Variants in PTPRT observed in about 807,000 individuals in gnomAD.
The protein encoded by PTPRT is protein tyrosine phosphatase receptor type T.
In PTPRT, 56 loss-of-function variants were observed where a neutral mutation model predicts 176.8. The ratio of observed to expected loss-of-function variants is 0.32; its 90% CI spans 0.26 to 0.40. PTPRT has a LOEUF of 0.40. Among genes scored for constraint, PTPRT ranks in the 10% least tolerant of loss-of-function variants. The pLI is 1.00. For missense variants in PTPRT, 1,540 were observed against 1,908.2 expected (o/e 0.81, Z 3.60); for synonymous variants, 783 against 739.0 (o/e 1.06, Z -0.96).
chr20:42,345,238 GTGCTCAATGGCCA>G (rs1471540780), intron 11 of PTPRT, among the ~76,000 whole-genome samples: 4 of 151,516 alleles, frequency 2.6e-5, no homozygotes, highest in African/African-American at 9.7e-5. Flanking sequence ...CATATATCTG[GTGCTCAATGGCCA>G]TATGTGTTCA....
intron 7 of PTPRT, among the ~76,000 whole-genome samples, chr20:42,554,220 C>A (rs1016382038): frequency 1.3e-5 from 2 of 152,046 alleles, no homozygotes; most frequent in Non-Finnish European, 2.9e-5. Context: ...TATTTTTACT[C>A]CAATGTCTAT....
chr20:42,569,906 G>A lies in PTPRT; in HGVS notation c.1154-97344C>T, dbSNP rs2073124968. On this transcript the variant is annotated intron_variant, in intron 7 of 30. Transcript: ENST00000373187. ...GTATGTCACTGATATTTTGTGCTCG[G>A]TTCCTTACATAGCAATAGCTGACTA... 1.3e-5 allele frequency among the ~76,000 whole-genome samples: 2 copies of A among 152,128 alleles called. 1 individual carries two copies. Among genetic ancestry groups the A allele is most frequent in the South Asian group, 4.1e-4 (2 of 4,820 alleles).
intron 12 of PTPRT, among the ~76,000 whole-genome samples, chr20:42,302,801 T>G (rs1262749913): frequency 6.6e-6 from 1 of 152,194 alleles, no homozygotes; most frequent in Non-Finnish European, 1.5e-5. Flanking sequence ...TCATGACCAA[T>G]GAAGGCACAA....
chr20:42,722,296 G>A (rs2076316129), intron 6 of PTPRT, among the ~76,000 whole-genome samples: 1 of 152,094 alleles, frequency 6.6e-6, no homozygotes, highest in African/African-American at 2.4e-5. Context: ...CATGCCCACT[G>A]TCTCCACTGC....
intron 15 of PTPRT, among the ~76,000 whole-genome samples, chr20:42,224,944 G>T (rs2055971432): frequency 1.3e-5 from 2 of 152,092 alleles, no homozygotes; most frequent in Admixed American, 1.3e-4. Context: ...AATGGCCATG[G>T]TAGTGCACTC....
intron 1 of PTPRT, among the ~76,000 whole-genome samples, chr20:43,079,222 C>G (rs796843428): frequency 1.5e-4 from 22 of 145,040 alleles, no homozygotes; most frequent in Admixed American, 6.3e-4. Context: ...CTCTCTCCCC[C>G]CTGTCCTCTA....
At chr20:42,749,591 C>T (rs1482951482) in intron 6 of PTPRT, among the ~76,000 whole-genome samples, 1 of 152,168 alleles carries the variant, frequency 6.6e-6, no homozygotes, top group Non-Finnish European at 1.5e-5. Context: ...TCCATGCTCT[C>T]ACTGGTAAAA....
intron 14 of PTPRT, among the ~76,000 whole-genome samples, chr20:42,244,343 T>C (rs2056410701): frequency 6.6e-6 from 1 of 152,118 alleles, no homozygotes; most frequent in Non-Finnish European, 1.5e-5. Flanking sequence ...CTCAAGACAC[T>C]CCAAATACAC....
intron 7 of PTPRT, among the ~76,000 whole-genome samples, chr20:42,548,381 G>A (rs1309632500): frequency 3.3e-5 from 5 of 152,042 alleles, no homozygotes; most frequent in Admixed American, 1.3e-4. Flanking sequence ...AATATATCAT[G>A]TAATAAATGT....
At chr20:43,106,069 G>A (rs2012592051) in intron 1 of PTPRT, among the ~76,000 whole-genome samples, 1 of 152,076 alleles carries the variant, frequency 6.6e-6, no homozygotes, top group Admixed American at 6.5e-5. Context: ...AGCCAAGGCT[G>A]CCCCAGACCA....
At chr20:42,645,879 T>C (rs2074885022) in intron 7 of PTPRT, among the ~76,000 whole-genome samples, 2 of 151,838 alleles carry the variant, frequency 1.3e-5, no homozygotes, top group African/African-American at 4.8e-5. Flanking sequence ...ACTGAAGTGA[T>C]GAAACTCAGT....
At chr20:42,820,682 AGAG>A (rs531946055) in intron 2 of PTPRT, among the ~76,000 whole-genome samples, 287 of 152,280 alleles carry the variant, frequency 1.9e-3, no homozygotes, top group Admixed American at 4.7e-3. Context: ...CTAATAAAGA[AGAG>A]GAGAAAGAAG....
chr20:42,743,892 T>C (rs1377415214), intron 6 of PTPRT, among the ~76,000 whole-genome samples: 1 of 152,254 alleles, frequency 6.6e-6, no homozygotes, highest in East Asian at 1.9e-4. Flanking sequence ...CGACGATTTC[T>C]TCATGAGAAT....
At chr20:42,240,209 G>A (rs961473484) in intron 14 of PTPRT, among the ~76,000 whole-genome samples, 1 of 152,160 alleles carries the variant, frequency 6.6e-6, no homozygotes, top group Non-Finnish European at 1.5e-5. Context: ...GCAACTCCAG[G>A]ATAATGGTAA....
At position 43,166,188 on chromosome 20, in the gene PTPRT, G is replaced by A. The variant is rs148043379; in HGVS notation, c.88+23458C>T. Among the ~76,000 whole-genome samples the A allele has an allele frequency of 2.4e-3, 368 of 152,010 alleles. 2 individuals are homozygous for A. The highest frequency in any genetic ancestry group is 8.3e-3 in the African/African-American group (345 of 41,464). ...AAAAATACAAAAATTAGCTGGGTAT[G>A]GGGTGGTGCACACCTGTAATCCCAG... On this transcript the variant is annotated intron_variant, in intron 1 of 30. Transcript: ENST00000373187.
intron 7 of PTPRT, among the ~76,000 whole-genome samples, chr20:42,622,084 T>C (rs2074208220): frequency 6.6e-6 from 1 of 152,178 alleles, no homozygotes; most frequent in South Asian, 2.1e-4. Context: ...GGGCTCTCCT[T>C]AACATGAATT....
At chr20:42,931,364 C>T (rs953417829) in intron 1 of PTPRT, among the ~76,000 whole-genome samples, 3 of 152,160 alleles carry the variant, frequency 2.0e-5, no homozygotes, top group African/African-American at 7.2e-5. Flanking sequence ...CAGGAAGAGG[C>T]CCCTCACCAG....
At chr20:42,936,127 A>G (rs1234099764) in intron 1 of PTPRT, among the ~76,000 whole-genome samples, 1 of 152,220 alleles carries the variant, frequency 6.6e-6, no homozygotes, top group Non-Finnish European at 1.5e-5. Flanking sequence ...ATGGAAGGAG[A>G]AAGACCGTAA....
chr20:42,722,846 C>T (rs1257648261), intron 6 of PTPRT, among the ~76,000 whole-genome samples: 1 of 152,224 alleles, frequency 6.6e-6, no homozygotes, highest in East Asian at 1.9e-4. Context: ...ATGTGCACAA[C>T]ACCCCAGAAA....
Sources: gnomAD v4.1 joint callset for allele counts (sites outside exome capture counted in the v4.1 genomes callset) on GRCh38, gnomAD v4.1.1 for gene constraint, MANE v1.5 for transcripts, NCBI Gene and HGNC (gene_info 2026-07-23, HGNC 2026-07-21) for gene names.